The following ANO1 variants were observed in gnomAD, a reference collection of about 807,000 sequenced individuals.
ANO1 encodes the protein anoctamin-1.
In ANO1, 59 loss-of-function variants were observed where a neutral mutation model predicts 124.0. The observed-to-expected ratio is 0.48, with a 90% CI of 0.39 to 0.59. The LOEUF (loss-of-function observed/expected upper bound fraction) is 0.59, where lower values mean the gene tolerates loss of function less well. Among genes scored for constraint, ANO1 ranks in the 20% least tolerant of loss-of-function variants. The pLI is 0.00. For synonymous variants in ANO1, 529 were observed against 532.0 expected, an observed-to-expected ratio of 0.99 and a Z score of 0.08; for missense variants, 1,059 against 1,328.0, an observed-to-expected ratio of 0.80 and a Z score of 3.15.
At chr11:70,098,648 A>G (rs767662910) in intron 2 of ANO1, among the ~76,000 whole-genome samples, 1 of 152,116 alleles carries the variant, frequency 6.6e-6, no homozygotes, top group Non-Finnish European at 1.5e-5. Context: ...CCCGAAAACC[A>G]CCCAGGTCTG....
chr11:70,073,606 T>C (rs892545581), upstream of ANO1, among the ~76,000 whole-genome samples: 10 of 151,978 alleles, frequency 6.6e-5, no homozygotes, highest in Non-Finnish European at 4.4e-5. Context: ...CGTGAGTGGC[T>C]GGAGTCGAGG....
chr11:70,144,714 C>T (rs2047289225), intron 11 of ANO1, among the ~76,000 whole-genome samples: 1 of 152,210 alleles, frequency 6.6e-6, no homozygotes, highest in Non-Finnish European at 1.5e-5. Context: ...ATGGGCTTGT[C>T]CCTTTGGCCA....
intron 1 of ANO1, chr11:70,056,399 T>C (rs1287221552): frequency 6.6e-6 from 1 of 152,166 alleles, no homozygotes; most frequent in Non-Finnish European, 1.5e-5. Context: ...ATTATTAATC[T>C]TTTGAAAATA....
intron 11 of ANO1, among the ~76,000 whole-genome samples, chr11:70,143,922 C>T (rs748498022): frequency 6.6e-6 from 1 of 152,264 alleles, no homozygotes; most frequent in Admixed American, 6.5e-5. Flanking sequence ...ACGCCTCTGT[C>T]TAATTCCAGA....
At chr11:70,129,331 T>C (rs1221260573) in intron 10 of ANO1, 1 of 152,246 alleles carries the variant, frequency 6.6e-6, no homozygotes, top group Non-Finnish European at 1.5e-5. Context: ...TGTTTAATCC[T>C]CCTGACAACC....
chr11:70,092,105 A>G (rs981811895), intron 2 of ANO1, among the ~76,000 whole-genome samples: 1 of 152,082 alleles, frequency 6.6e-6, no homozygotes, highest in East Asian at 1.9e-4. Flanking sequence ...TGGGTCTCCA[A>G]GTGTTCCTTG....
At chr11:70,067,794 C>T (rs1197293537) in intron 1 of ANO1, among the ~76,000 whole-genome samples, 4 of 152,194 alleles carry the variant, frequency 2.6e-5, no homozygotes, top group African/African-American at 2.4e-5. Flanking sequence ...CCCTCCTTTT[C>T]ATCTTCCTAG....
At chr11:70,002,983 A>G (rs1554999583) in intron 1 of ANO1, among the ~76,000 whole-genome samples, 1 of 152,198 alleles carries the variant, frequency 6.6e-6, no homozygotes, top group Non-Finnish European at 1.5e-5. Context: ...TCTGAGCACA[A>G]TACTAAACCC....
chr11:70,016,764 A>G (rs77014915), intron 1 of ANO1, among the ~76,000 whole-genome samples: 4,855 of 152,260 alleles, frequency 0.032, 281 homozygotes, highest in African/African-American at 0.11. Context: ...TGTGGGGCTC[A>G]CCCTTAATCT....
chr11:70,087,311 T>G (rs2044422702), intron 1 of ANO1, among the ~76,000 whole-genome samples: 1 of 152,234 alleles, frequency 6.6e-6, no homozygotes, highest in Admixed American at 6.5e-5. Flanking sequence ...TTTGTCCATG[T>G]ACAATTAAAT....
At chr11:70,185,321 C>T (rs1365602249) in intron 24 of ANO1, among the ~76,000 whole-genome samples, 1 of 152,200 alleles carries the variant, frequency 6.6e-6, no homozygotes, top group African/African-American at 2.4e-5. Flanking sequence ...CACGGCTGGG[C>T]CTGGGGATAC....
chr11:70,092,010 G>A (rs2044647818), intron 2 of ANO1, among the ~76,000 whole-genome samples: 1 of 152,210 alleles, frequency 6.6e-6, no homozygotes, highest in Non-Finnish European at 1.5e-5. Context: ...AGCTTTGGAG[G>A]TGAGAAGTGC....
At chr11:69,987,087 T>C (rs541018807) in intron 1 of ANO1, among the ~76,000 whole-genome samples, 196 of 152,288 alleles carry the variant, frequency 1.3e-3, no homozygotes, top group Admixed American at 2.4e-3. Context: ...ATGCGTGCCT[T>C]TCAAACAGCC....
rs1856839096 is a variant in ANO1, at chr11:70,023,367, G to T, written c.58+37201G>T. On this transcript the variant is annotated intron_variant, in intron 1 of 27. Transcript: ENST00000531349. ...CTGCCCTCCAGAGCTCGCCATTTGG[G>T]AGATCCCAGGCTAAACCATGTCTAG... Among the ~76,000 whole-genome samples the T allele has an allele frequency of 2.0e-5, 3 of 152,216 alleles. No homozygotes were observed. The South Asian group carries it at 6.2e-4, about 31-fold the overall frequency.
the ANO1 span, among the ~76,000 whole-genome samples, chr11:69,980,052 T>C: frequency 0.014 from 2,087 of 152,200 alleles, 58 homozygotes; most frequent in African/African-American, 0.049. Flanking sequence ...CTTTCAGTAG[T>C]GATATTGGGT....
At chr11:70,112,124 G>C (rs983321697) in intron 7 of ANO1, among the ~76,000 whole-genome samples, 3 of 152,336 alleles carry the variant, frequency 2.0e-5, no homozygotes, top group African/African-American at 7.2e-5. Context: ...CTCTGTACGT[G>C]TCTATTTCTG....
intron 1 of ANO1, among the ~76,000 whole-genome samples, chr11:70,033,333 G>C (rs1857037340): frequency 6.6e-6 from 1 of 152,154 alleles, no homozygotes; most frequent in African/African-American, 2.4e-5. Flanking sequence ...AACCCTCCAA[G>C]ATCGAGAGTC....
In ANO1 at chr11:70,034,547, G is replaced by A. The variant is rs138042440; in HGVS notation, c.59-43995G>A. On this transcript the variant is annotated intron_variant, in intron 1 of 27. Transcript: ENST00000531349. ...ATTATTCATCTAGAAGAGAAGAGGA[G>A]CAATTATGCATTGATTTCTGTCCAC... 1.0e-3 allele frequency among the ~76,000 whole-genome samples: 156 copies of A among 152,306 alleles called. 1 individual carries two copies. The highest frequency in any genetic ancestry group is 1.6e-3 in the Non-Finnish European group (111 of 68,030).
At chr11:69,999,466 T>C (rs1856338759) in intron 1 of ANO1, among the ~76,000 whole-genome samples, 1 of 152,160 alleles carries the variant, frequency 6.6e-6, no homozygotes, top group African/African-American at 2.4e-5. Context: ...ACTATATCAC[T>C]GTGTTATGAC....
Sources: gnomAD v4.1 joint callset for allele counts (sites outside exome capture counted in the v4.1 genomes callset) on GRCh38, gnomAD v4.1.1 for gene constraint, MANE v1.5 for transcripts, NCBI Gene and HGNC (gene_info 2026-07-23, HGNC 2026-07-21) for gene names.